The following EPHX2 variants were observed in gnomAD, a reference collection of about 807,000 sequenced individuals.
EPHX2 encodes bifunctional epoxide hydrolase 2.
EPHX2 carries 74 observed loss-of-function variants against 78.7 expected under a neutral mutation model. The ratio of observed to expected loss-of-function variants is 0.94; its 90% CI spans 0.78 to 1.14. The LOEUF (loss-of-function observed/expected upper bound fraction) is 1.14, where lower values mean the gene tolerates loss of function less well. Among genes scored for constraint, EPHX2 ranks in the 50% most tolerant of loss-of-function variants. The pLI, the probability that EPHX2 is intolerant of heterozygous loss-of-function variation, is 0.00. For synonymous variants in EPHX2, 251 were observed against 255.2 expected (o/e 0.98, Z 0.16); for missense variants, 715 against 702.5 (o/e 1.02, Z -0.20).
At position 27,527,388 on chromosome 8, in the gene EPHX2, A is replaced by G. The variant is rs186160006; in HGVS notation, c.1170+1915A>G. Among the ~76,000 whole-genome samples the G allele has an allele frequency of 2.0e-5, 3 of 152,314 alleles. No individual in the cohort carries two copies. In the East Asian group the frequency reaches 5.8e-4, roughly 29 times the overall value. ...CTAAAATATTTTTAATTGTGGTAAA[A>G]CACATGTAATGTAAAATTGACCATG... On this transcript the variant is annotated intron_variant, in intron 12 of 18. Coordinates refer to ENST00000521400, the MANE Select transcript of EPHX2 (RefSeq NM_001979.6).
rs558413926 is a variant in EPHX2 at position 27,544,802 on chromosome 8, G to A, written c.*280G>A. Reference sequence around the variant, plus strand: ...GTCCTGTAGGGGGACAGAATGGGGTGGCCAGGTGGTGATTTCTCTTTGACC... The same window carrying A: ...GTCCTGTAGGGGGACAGAATGGGGTAGCCAGGTGGTGATTTCTCTTTGACC... On this transcript the variant is annotated 3_prime_UTR_variant, in exon 19 of 19. Transcript: ENST00000521400. The A allele has an allele frequency of 6.6e-5, 28 of 424,514 alleles. 1 individual carries two copies. In the South Asian group the frequency reaches 1.0e-3, roughly 15 times the overall value. 26.3% of individuals were successfully genotyped at this position (424,514 alleles called of 1,614,324 possible).
At chr8:27,491,401 T>C in intron 1 of EPHX2, 92 bp downstream of exon 1, 4 of 961,480 alleles carry the variant, frequency 4.2e-6, no homozygotes, top group African/African-American at 1.7e-5. Context: ...ATTGCTCCTG[T>C]GCCGGAGCCC....
Position 27,525,531 on chromosome 8 carries a change from G to C in EPHX2, c.1170+58G>C. ...ATTAGTGTTTGCCTTTCCCCTTCCTGTCTCCTTCTTATTTGCTTTATCACT... is the reference window on the plus strand; with the variant it reads ...ATTAGTGTTTGCCTTTCCCCTTCCTCTCTCCTTCTTATTTGCTTTATCACT... On this transcript the variant is annotated intron_variant, in intron 12 of 18. Coordinates refer to ENST00000521400, the MANE Select transcript of EPHX2 (RefSeq NM_001979.6). 4.3e-6 allele frequency: 6 copies of C among 1,391,252 alleles called. No homozygotes were observed. In the South Asian group the frequency reaches 6.9e-5, roughly 16 times the overall value. The allele number at this position is 1,391,252 out of a possible 1,614,324, so 86.2% of individuals were successfully genotyped here. A position where few individuals can be genotyped will look rare whatever the true frequency, so the allele number is the denominator to read the frequency against.
intron 4 of EPHX2, among the ~76,000 whole-genome samples, chr8:27,506,656 C>T (rs1814016277): frequency 6.6e-6 from 1 of 152,200 alleles, no homozygotes; most frequent in African/African-American, 2.4e-5. Context: ...TCTCCTAACC[C>T]TCTTGCAATT....
At chr8:27,491,605 G>T (rs1027701819) in intron 1 of EPHX2, among the ~76,000 whole-genome samples, 1 of 152,202 alleles carries the variant, frequency 6.6e-6, no homozygotes, top group Non-Finnish European at 1.5e-5. Flanking sequence ...GTCTAATGGG[G>T]TGGCGCTTAA....
At chr8:27,504,063 A>G (rs1813903952) in intron 3 of EPHX2, among the ~76,000 whole-genome samples, 1 of 152,218 alleles carries the variant, frequency 6.6e-6, no homozygotes, top group Non-Finnish European at 1.5e-5. Context: ...ATCTTTTGTC[A>G]CAGTGATTAA....
intron 2 of EPHX2, among the ~76,000 whole-genome samples, chr8:27,501,330 CTTCTTCTTCT>C (rs1427470636): frequency 1.9e-5 from 1 of 54,026 alleles, no homozygotes; most frequent in African/African-American, 9.6e-5. Context: ...ATATTTTCTT[CTTCTTCTTCT>C]TCTTCTTCTT....
At chr8:27,499,587 T>A (rs558458895) in intron 1 of EPHX2, among the ~76,000 whole-genome samples, 12 of 152,338 alleles carry the variant, frequency 7.9e-5, no homozygotes, top group Admixed American at 5.9e-4. Context: ...CAACTGGAAT[T>A]CATCTGGGAT....
downstream of EPHX2, among the ~76,000 whole-genome samples, chr8:27,545,730 G>T (rs1032604451): frequency 6.6e-6 from 1 of 152,146 alleles, no homozygotes; most frequent in Non-Finnish European, 1.5e-5. Context: ...ACAGATGCAC[G>T]CACAATGGCC....
At position 27,506,952 on chromosome 8, in the gene EPHX2, T is replaced by C. The variant is rs1287960958; in HGVS notation, c.618T>C (p.Thr206=). 6.2e-7 allele frequency: 1 copy of C among 1,611,278 alleles called. No individual in the cohort carries two copies. The highest frequency in any genetic ancestry group is 8.5e-7 in the Non-Finnish European group (1 of 1,178,614). ...LGMVTILVQD[T]DTALKELEKV... ...TGGTCACCATCCTGGTCCAGGACAC[T>C]GACACGGCCCTGAAAGAACTGGAGA... The change falls in exon 5 of 19, where the codon ACT becomes ACC. Residue 206 remains threonine, a synonymous_variant. Coordinates refer to ENST00000521400, the MANE Select transcript of EPHX2 (RefSeq NM_001979.6).
intron 11 of EPHX2, among the ~76,000 whole-genome samples, chr8:27,524,987 GAA>G (rs5890372): frequency 6.6e-6 from 1 of 151,028 alleles, no homozygotes; most frequent in African/African-American, 2.4e-5. Flanking sequence ...TAAAGGGAGG[GAA>G]AAAAAATGAA....
At chr8:27,536,675 G>A (rs1394342760) in intron 12 of EPHX2, 109 bp from the exon 13 acceptor site, 6 of 1,066,430 alleles carry the variant, frequency 5.6e-6, no homozygotes, top group Non-Finnish European at 8.5e-6. Context: ...TGAAACTTGG[G>A]CTGGATGGGG....
rs1342338945 is a variant in EPHX2 at position 27,536,414 on chromosome 8, G to A, written c.1171-370G>A. 2.6e-5 allele frequency among the ~76,000 whole-genome samples: 4 copies of A among 152,076 alleles called. No individual in the cohort carries two copies. In the East Asian group the frequency reaches 7.7e-4, roughly 29 times the overall value. ...TTTGGCTTTTCTGCTTGGTTTCTCA[G>A]AATCCTTGGAGCCCCTCTCTTCTTA... On this transcript the variant is annotated intron_variant, in intron 12 of 18. Transcript: ENST00000521400.
chr8:27,544,328 C>T, intron 18 of EPHX2, 84 bp downstream of exon 18: 1 of 1,598,746 alleles, frequency 6.3e-7, no homozygotes, highest in Non-Finnish European at 8.6e-7. Context: ...TTTCATTGTG[C>T]TGGCTTTGGC....
downstream of EPHX2, among the ~76,000 whole-genome samples, chr8:27,548,028 C>T (rs1039478974): frequency 6.6e-6 from 1 of 152,220 alleles, no homozygotes; most frequent in African/African-American, 2.4e-5. Context: ...TATTCTCTCT[C>T]ACACCCTCCA....
Position 27,544,531 on chromosome 8 carries a change from G to T in EPHX2, c.*9G>T, listed in dbSNP as rs369372219. ...TGGTCTCAAAGATGTAGAACGCAGC[G>T]TGTGCCCACGCTCAGCAGGTGTGCC... On this transcript the variant is annotated 3_prime_UTR_variant, in exon 19 of 19. Coordinates refer to ENST00000521400, the MANE Select transcript of EPHX2 (RefSeq NM_001979.6). 1 of 1,613,142 alleles carries T rather than the reference G, an allele frequency of 6.2e-7. No individual in the cohort carries two copies. The highest frequency in any genetic ancestry group is 8.5e-7 in the Non-Finnish European group (1 of 1,180,002).
intron 1 of EPHX2, among the ~76,000 whole-genome samples, chr8:27,494,101 C>A (rs972421061): frequency 6.6e-6 from 1 of 151,936 alleles, no homozygotes; most frequent in Admixed American, 6.6e-5. Flanking sequence ...TTTGGGGGGC[C>A]CTGAGAAGCA....
Position 27,521,109 on chromosome 8 carries a change from A to G in EPHX2, c.972+200A>G, listed in dbSNP as rs529931107. ...GGATTGCGTGGAGAACAGGATGGAG[A>G]TGAGCTTGTTTATTTGTCTTTTAAT... On this transcript the variant is annotated intron_variant, in intron 10 of 18. Transcript: ENST00000521400. Among the ~76,000 whole-genome samples, 58 of 152,260 alleles carry G rather than the reference A, an allele frequency of 3.8e-4. No individual in the cohort carries two copies. In the South Asian group the frequency reaches 0.012, roughly 31 times the overall value.
intron 12 of EPHX2, among the ~76,000 whole-genome samples, chr8:27,529,457 G>T (rs73679224): frequency 0.068 from 10,288 of 152,108 alleles, 1,133 homozygotes; most frequent in African/African-American, 0.23. Flanking sequence ...ATACCAGAAC[G>T]TACCTAGGAT....
Sources: gnomAD v4.1 joint callset for allele counts (sites outside exome capture counted in the v4.1 genomes callset) on GRCh38, gnomAD v4.1.1 for gene constraint, MANE v1.5 for transcripts, NCBI Gene and HGNC (gene_info 2026-07-23, HGNC 2026-07-21) for gene names.